Variants in LPAR1 observed in about 807,000 individuals in gnomAD.
The protein encoded by LPAR1 is lysophosphatidic acid receptor 1, also known as LPA receptor 1.
In LPAR1, 5 loss-of-function variants were observed where a neutral mutation model predicts 23.8. The ratio of observed to expected loss-of-function variants is 0.21; its 90% confidence interval spans 0.11 to 0.44. The LOEUF (loss-of-function observed/expected upper bound fraction) is 0.44, where lower values mean the gene tolerates loss of function less well. Among genes scored for constraint, LPAR1 ranks in the 20% least tolerant of loss-of-function variants. The pLI is 0.99. For synonymous variants in LPAR1, 160 were observed against 164.7 expected (o/e 0.97, Z 0.22); for missense variants, 311 against 482.8 (o/e 0.64, Z 3.33).
rs2132220278 is a variant in LPAR1, at chr9:110,875,868, C to A, written c.794-146G>T. Reference sequence around the variant, plus strand: ...CCACCATTGTCGCAAATGAAATACTCATTTCCTGAGAAAATCAGAAAAAAT... The same window carrying A: ...CCACCATTGTCGCAAATGAAATACTAATTTCCTGAGAAAATCAGAAAAAAT... On this transcript the variant is annotated intron_variant, in intron 5 of 5. Coordinates refer to ENST00000683809, the MANE Select transcript of LPAR1 (RefSeq NM_001351411.2). 4 of 466,686 alleles carry A rather than the reference C, an allele frequency of 8.6e-6. No homozygotes were observed. In the South Asian group the frequency reaches 3.1e-4, roughly 37 times the overall value. The allele number at this position is 466,686 out of a possible 1,614,324, so 28.9% of individuals were successfully genotyped here.
chr9:111,006,017 T>A (rs919178014), intron 2 of LPAR1, among the ~76,000 whole-genome samples: 1 of 152,160 alleles, frequency 6.6e-6, no homozygotes, highest in Non-Finnish European at 1.5e-5. Flanking sequence ...CTATAATTAT[T>A]TTTTTATCCT....
rs140068857 is a variant in LPAR1 at position 111,022,639 on chromosome 9, A to G, written c.-182+13483T>C. Among the ~76,000 whole-genome samples, 644 of 152,354 alleles carry G rather than the reference A, an allele frequency of 4.2e-3. 6 individuals are homozygous for G. Among genetic ancestry groups the G allele is most frequent in the Middle Eastern group, 0.017 (5 of 294 alleles). ...TGTTATAATTTCTTACAAATTATGC[A>G]TAGTTACTAAATTGGTAATTATATT... On this transcript the variant is annotated intron_variant, in intron 2 of 5. Transcript: ENST00000683809.
intron 2 of LPAR1, among the ~76,000 whole-genome samples, chr9:111,012,728 A>C (rs1047687733): frequency 1.3e-5 from 2 of 152,178 alleles, no homozygotes; most frequent in African/African-American, 4.8e-5. Context: ...CAATTACTTC[A>C]TTCACACTTG....
At chr9:110,968,449 A>T (rs1169947056) in intron 4 of LPAR1, among the ~76,000 whole-genome samples, 2 of 152,050 alleles carry the variant, frequency 1.3e-5, no homozygotes, top group African/African-American at 2.4e-5. Context: ...TCTCTCTCAC[A>T]CACACACATA....
chr9:110,964,853 CTTTTTTTTTTTT>C (rs35426082), intron 4 of LPAR1, among the ~76,000 whole-genome samples: 2 of 67,074 alleles, frequency 3.0e-5, no homozygotes, highest in Non-Finnish European at 5.4e-5. Context: ...ACACCAATCA[CTTTTTTTTTTTT>C]TTTTTTTTTT....
intron 4 of LPAR1, among the ~76,000 whole-genome samples, chr9:110,948,913 GAA>G (rs769429145): frequency 2.9e-5 from 3 of 102,086 alleles, no homozygotes; most frequent in South Asian, 3.0e-4. Context: ...TGTAGATCAA[GAA>G]AAAAAAAAAA....
intron 2 of LPAR1, among the ~76,000 whole-genome samples, chr9:110,987,186 G>A (rs1381566873): frequency 6.6e-6 from 1 of 151,924 alleles, no homozygotes; most frequent in African/African-American, 2.4e-5. Flanking sequence ...TATCATGTAT[G>A]ATAGGATAAT....
chr9:110,972,504 C>T (rs551865053), intron 3 of LPAR1, among the ~76,000 whole-genome samples: 16 of 152,070 alleles, frequency 1.1e-4, no homozygotes, highest in African/African-American at 2.2e-4. Flanking sequence ...GAGGGTGAGT[C>T]GGGGGAAAAG....
rs78097594 is a variant in LPAR1 at position 110,940,301 on chromosome 9, T to C, written c.793+1120A>G. 7.0e-3 allele frequency among the ~76,000 whole-genome samples: 1,065 copies of C among 152,304 alleles called. 14 individuals are homozygous for C. The highest frequency in any genetic ancestry group is 0.024 in the African/African-American group (1,012 of 41,564). On this transcript the variant is annotated intron_variant, in intron 5 of 5. Transcript: ENST00000683809. Reference sequence around the variant, plus strand: ...TCAATCTGAATACTACTTTATATAATGATCAGCAGGACCCTGTCTCCTTCC... The same window carrying C: ...TCAATCTGAATACTACTTTATATAACGATCAGCAGGACCCTGTCTCCTTCC...
chr9:111,035,798 A>T (rs143227902), intron 2 of LPAR1, among the ~76,000 whole-genome samples: 1 of 152,348 alleles, frequency 6.6e-6, no homozygotes, highest in East Asian at 1.9e-4. Flanking sequence ...AAGTTCTGTT[A>T]TCTGCTGAAT....
chr9:110,916,752 C>A (rs2093150248), intron 5 of LPAR1, among the ~76,000 whole-genome samples: 1 of 152,012 alleles, frequency 6.6e-6, no homozygotes, highest in Admixed American at 6.6e-5. Flanking sequence ...AAACCACCCC[C>A]TAAAAAAACT....
chr9:110,964,478 T>C (rs1192340908), intron 4 of LPAR1, among the ~76,000 whole-genome samples: 1 of 152,174 alleles, frequency 6.6e-6, no homozygotes, highest in Admixed American at 6.5e-5. Context: ...TAAGGGGATT[T>C]TTTAAAAGAT....
intron 5 of LPAR1, among the ~76,000 whole-genome samples, chr9:110,877,035 G>A (rs1276357728): frequency 6.6e-6 from 1 of 152,194 alleles, no homozygotes; most frequent in East Asian, 1.9e-4. Flanking sequence ...TAATCAGGCA[G>A]AGCGGAAGTA....
chr9:110,944,980 A>G (rs2095320618), intron 4 of LPAR1, among the ~76,000 whole-genome samples: 1 of 152,336 alleles, frequency 6.6e-6, no homozygotes, highest in African/African-American at 2.4e-5. Context: ...TAAATATTGA[A>G]AGAGTAGAAA....
At chr9:110,946,550 T>C (rs768564327) in intron 4 of LPAR1, among the ~76,000 whole-genome samples, 1 of 152,136 alleles carries the variant, frequency 6.6e-6, no homozygotes, top group Non-Finnish European at 1.5e-5. Context: ...GATGTTTTCA[T>C]ACGAGGACAA....
rs148950576 is a variant in LPAR1, at chr9:111,014,566, C to G, written c.-182+21556G>C. ...TCAACCTTGGATCACATTAGAATGACCAGGTGTCTGCCCTGGCCTCTCTTT... is the reference window on the plus strand; with the variant it reads ...TCAACCTTGGATCACATTAGAATGAGCAGGTGTCTGCCCTGGCCTCTCTTT... On this transcript the variant is annotated intron_variant, in intron 2 of 5. Coordinates refer to ENST00000683809, the MANE Select transcript of LPAR1 (RefSeq NM_001351411.2). 2.6e-4 allele frequency among the ~76,000 whole-genome samples: 40 copies of G among 152,206 alleles called. No homozygotes were observed. In the East Asian group the frequency reaches 7.8e-3, roughly 30 times the overall value.
At chr9:110,882,447 T>C (rs1267680545) in intron 5 of LPAR1, among the ~76,000 whole-genome samples, 1 of 152,194 alleles carries the variant, frequency 6.6e-6, no homozygotes, top group African/African-American at 2.4e-5. Context: ...AACATTAACA[T>C]CTACCGTGTG....
At chr9:110,997,997 C>T (rs568057700) in intron 2 of LPAR1, among the ~76,000 whole-genome samples, 22 of 152,310 alleles carry the variant, frequency 1.4e-4, no homozygotes, top group Admixed American at 8.5e-4. Flanking sequence ...ACAGAATTCA[C>T]TGGAGGGCTT....
intron 5 of LPAR1, among the ~76,000 whole-genome samples, chr9:110,908,109 G>T (rs2091685945): frequency 6.6e-6 from 1 of 151,378 alleles, no homozygotes; most frequent in African/African-American, 2.4e-5. Context: ...TAATCAGTGT[G>T]TTTTTCTTTT....
Sources: allele counts gnomAD v4.1 joint callset (sites outside exome capture counted in the v4.1 genomes callset), GRCh38; gene constraint gnomAD v4.1.1; transcripts MANE v1.5; gene names NCBI Gene and HGNC (gene_info 2026-07-23, HGNC 2026-07-21).